PPFIA2: variants seen among roughly 807,000 people sequenced by gnomAD.
The protein encoded by PPFIA2 is liprin-alpha-2.
In PPFIA2, 46 loss-of-function variants were observed where a neutral mutation model predicts 175.5. The ratio of observed to expected loss-of-function variants is 0.26; its 90% CI spans 0.21 to 0.34. The LOEUF (loss-of-function observed/expected upper bound fraction) is 0.34. PPFIA2 is among the 10% of genes least tolerant of loss of function. The pLI is 1.00. For missense variants in PPFIA2, 1,179 were observed against 1,506.1 expected, an observed-to-expected ratio of 0.78 and a Z score of 3.60; for synonymous variants, 568 against 511.4, an observed-to-expected ratio of 1.11 and a Z score of -1.49.
chr12:81,358,105 C>G lies in PPFIA2; in HGVS notation c.1750G>C (p.Gly584Arg), dbSNP rs749735469. Reference protein sequence around the residue: ...VIRRPRRGRMGVRRDEPKVKS... With the variant: ...VIRRPRRGRMRVRRDEPKVKS... The stretch of plus-strand genomic sequence containing the variant: ...ACCTTTGGCTCATCTCTTCGCACAC[C>G]CATGCGGCCTCTCCTTGGTCTTCTT... Residue 584 changes from glycine to arginine, a missense_variant, in exon 16 of 33, where the codon GGT (glycine) becomes CGT (arginine). Physicochemically the swap from Gly to Arg is moderately radical, Grantham distance 125. This residue lies in a region of PPFIA2 where 186 missense variants were observed against 163.6 expected (regional missense o/e 1.14). Transcript: ENST00000549396. 1.2e-6 allele frequency: 2 copies of G among 1,605,656 alleles called. No individual in the cohort carries two copies. Among genetic ancestry groups the G allele is most frequent in the South Asian group, 2.2e-5 (2 of 89,290 alleles).
At chr12:81,345,118 A>G (rs1204342311) in intron 18 of PPFIA2, among the ~76,000 whole-genome samples, 4 of 152,138 alleles carry the variant, frequency 2.6e-5, no homozygotes, top group African/African-American at 9.6e-5. Flanking sequence ...TGCCCCATCT[A>G]TGCAGAGCTT....
At chr12:81,397,636 A>AT (rs1022346135) in intron 8 of PPFIA2, among the ~76,000 whole-genome samples, 14 of 151,896 alleles carry the variant, frequency 9.2e-5, no homozygotes, top group Middle Eastern at 3.4e-3. Context: ...CCAAAAGATA[A>AT]TTTTTTTTAA....
At chr12:81,395,087 A>C (rs1417176190) in intron 8 of PPFIA2, among the ~76,000 whole-genome samples, 2 of 152,066 alleles carry the variant, frequency 1.3e-5, no homozygotes, top group African/African-American at 4.8e-5. Context: ...CTTAGAAAAT[A>C]CCAAGAGTAT....
intron 23 of PPFIA2, among the ~76,000 whole-genome samples, chr12:81,295,601 C>A (rs1383731761): frequency 6.6e-6 from 1 of 152,092 alleles, no homozygotes; most frequent in South Asian, 2.1e-4. Flanking sequence ...TATGAAAATG[C>A]CTTTTAGAGA....
At chr12:81,721,566 A>C (rs1184065605) in intron 3 of PPFIA2, among the ~76,000 whole-genome samples, 1 of 151,422 alleles carries the variant, frequency 6.6e-6, no homozygotes, top group Non-Finnish European at 1.5e-5. Context: ...TGATTTCAAA[A>C]GAATTGGGGG....
intron 16 of PPFIA2, among the ~76,000 whole-genome samples, chr12:81,356,342 T>TATA (rs1039286599): frequency 2.0e-5 from 3 of 151,886 alleles, no homozygotes; most frequent in African/African-American, 4.8e-5. Context: ...CCATAACAGA[T>TATA]ATAATAATAA....
intron 3 of PPFIA2, among the ~76,000 whole-genome samples, chr12:81,753,048 T>C (rs1252620277): frequency 6.6e-6 from 1 of 151,698 alleles, no homozygotes; most frequent in Non-Finnish European, 1.5e-5. Context: ...AATTCTCCTG[T>C]CTCAGCCTCC....
chr12:81,673,328 AT>A (rs1567812454), intron 4 of PPFIA2, among the ~76,000 whole-genome samples: 1 of 152,122 alleles, frequency 6.6e-6, no homozygotes, highest in Non-Finnish European at 1.5e-5. Context: ...CCTCTTGGCC[AT>A]AGGTACCAGA....
chr12:81,275,814 C>G (rs1284209998), intron 28 of PPFIA2, among the ~76,000 whole-genome samples: 1 of 146,514 alleles, frequency 6.8e-6, no homozygotes, highest in Non-Finnish European at 1.5e-5. Flanking sequence ...GAGTCTTGCT[C>G]TGTCACCCAG....
At chr12:81,664,847 C>T (rs1355277959) in intron 4 of PPFIA2, among the ~76,000 whole-genome samples, 4 of 152,040 alleles carry the variant, frequency 2.6e-5, no homozygotes, top group South Asian at 4.1e-4. Context: ...CCATGGAATA[C>T]TATGCAGCCA....
intron 4 of PPFIA2, among the ~76,000 whole-genome samples, chr12:81,507,079 T>A (rs1028677527): frequency 2.6e-5 from 4 of 152,216 alleles, no homozygotes; most frequent in Admixed American, 2.0e-4. Context: ...AAATAGTATT[T>A]TTTTTTCTAT....
At chr12:81,724,674 T>C (rs1357725651) in intron 3 of PPFIA2, among the ~76,000 whole-genome samples, 1 of 151,048 alleles carries the variant, frequency 6.6e-6, no homozygotes, top group African/African-American at 2.4e-5. Flanking sequence ...TTTTTATGAC[T>C]AAGCAGTATC....
At chr12:81,322,748 A>T (rs2053934358) in intron 22 of PPFIA2, among the ~76,000 whole-genome samples, 1 of 151,340 alleles carries the variant, frequency 6.6e-6, no homozygotes, top group African/African-American at 2.5e-5. Flanking sequence ...CTCTGATGAA[A>T]CAACAACAGC....
At chr12:81,372,382 A>T (rs1240512161) in intron 11 of PPFIA2, among the ~76,000 whole-genome samples, 2 of 151,498 alleles carry the variant, frequency 1.3e-5, no homozygotes, top group African/African-American at 4.8e-5. Context: ...TATCATTCAA[A>T]ATATAGGAGG....
intron 11 of PPFIA2, among the ~76,000 whole-genome samples, chr12:81,373,961 T>C (rs992768309): frequency 6.6e-6 from 1 of 152,072 alleles, no homozygotes; most frequent in Admixed American, 6.6e-5. Flanking sequence ...GACATATACA[T>C]ACACTTTGAA....
rs1273798553 is a variant in PPFIA2, at chr12:81,501,240, T to C, written c.304-43374A>G. On this transcript the variant is annotated intron_variant, in intron 4 of 32. Coordinates refer to ENST00000549396, the MANE Select transcript of PPFIA2 (RefSeq NM_003625.5). ...GCTTTAAGTATGCCAGGATTATTTC[T>C]ACCTCAGGGCCTTTGCACTTGATAT... Among the ~76,000 whole-genome samples the C allele has an allele frequency of 2.0e-5, 3 of 152,318 alleles. No homozygotes were observed. In the East Asian group the frequency reaches 5.8e-4, roughly 29 times the overall value.
chr12:81,276,778 C>A (rs945728461), intron 28 of PPFIA2, among the ~76,000 whole-genome samples: 3 of 152,076 alleles, frequency 2.0e-5, no homozygotes, highest in Admixed American at 2.0e-4. Context: ...TACACTGTTC[C>A]TGATAATATT....
At chr12:81,598,117 T>C (rs375826776) in intron 4 of PPFIA2, 16 of 1,522,674 alleles carry the variant, frequency 1.1e-5, no homozygotes, top group East Asian at 2.5e-5. Context: ...CGTGCATGCA[T>C]TGAGGGAGAC....
At chr12:81,304,664 T>C (rs1243844283) in intron 22 of PPFIA2, among the ~76,000 whole-genome samples, 1 of 151,964 alleles carries the variant, frequency 6.6e-6, no homozygotes. Context: ...AGGAGTGGAA[T>C]TAAATGTTTG....
Sources: allele counts gnomAD v4.1 joint callset (sites outside exome capture counted in the v4.1 genomes callset), GRCh38; gene constraint gnomAD v4.1.1; regional missense constraint gnomAD v4.1.1; transcripts MANE v1.5; gene names NCBI Gene and HGNC (gene_info 2026-07-23, HGNC 2026-07-21).